The following FOXP2 variants were observed in gnomAD, a reference collection of about 807,000 sequenced individuals.
FOXP2 encodes the protein forkhead box protein P2.
FOXP2 carries 12 observed loss-of-function variants against 115.8 expected under a neutral mutation model. That is an observed-to-expected ratio of 0.10 (90% CI 0.07 to 0.17). The LOEUF (loss-of-function observed/expected upper bound fraction) is 0.17, where lower values mean the gene tolerates loss of function less well. Among genes scored for constraint, FOXP2 ranks in the 10% least tolerant of loss-of-function variants. The pLI, the probability that FOXP2 is intolerant of heterozygous loss-of-function variation, is 1.00. For missense variants in FOXP2, 629 were observed against 843.5 expected, an observed-to-expected ratio of 0.75 and a Z score of 3.15; for synonymous variants, 328 against 297.7, an observed-to-expected ratio of 1.10 and a Z score of -1.05.
chr7:114,358,592 A>T (rs1791671182), intron 2 of FOXP2, among the ~76,000 whole-genome samples: 1 of 152,306 alleles, frequency 6.6e-6, no homozygotes, highest in Non-Finnish European at 1.5e-5. Context: ...CAAAATTTCC[A>T]GGCTGAGGTG....
intron 5 of FOXP2, 56 bp downstream of exon 5, chr7:114,630,061 G>A (rs988532121): frequency 2.5e-6 from 4 of 1,601,272 alleles, no homozygotes; most frequent in East Asian, 2.2e-5. Context: ...AAGGGGCTTT[G>A]AGCGGCAAGA....
chr7:114,271,980 T>C (rs1311010242), intron 1 of FOXP2, among the ~76,000 whole-genome samples: 6 of 134,060 alleles, frequency 4.5e-5, no homozygotes, highest in African/African-American at 1.1e-4. Context: ...ATAATATAAT[T>C]ATATATAATA....
intron 1 of FOXP2, among the ~76,000 whole-genome samples, chr7:114,184,741 A>T: frequency 6.6e-6 from 1 of 152,190 alleles, no homozygotes; most frequent in East Asian, 1.9e-4. Flanking sequence ...CTTTTGGTAA[A>T]GCAAAAATCA....
intron 2 of FOXP2, among the ~76,000 whole-genome samples, chr7:114,446,988 A>G: frequency 6.6e-6 from 1 of 151,768 alleles, no homozygotes; most frequent in Non-Finnish European, 1.5e-5. Context: ...GGCCTCAAGC[A>G]ATCCACTCAC....
At chr7:114,522,197 T>C (rs1262607641) in intron 2 of FOXP2, among the ~76,000 whole-genome samples, 1 of 152,172 alleles carries the variant, frequency 6.6e-6, no homozygotes, top group Admixed American at 6.6e-5. Flanking sequence ...TTGTGCTTCT[T>C]GTGCTAATGC....
At chr7:114,229,061 T>C (rs1207092894) in intron 1 of FOXP2, among the ~76,000 whole-genome samples, 1 of 151,504 alleles carries the variant, frequency 6.6e-6, no homozygotes, top group Non-Finnish European at 1.5e-5. Flanking sequence ...GAAATGATAT[T>C]TCACATAAAT....
chr7:114,193,699 C>T (rs1036114582), intron 1 of FOXP2, among the ~76,000 whole-genome samples: 1 of 152,066 alleles, frequency 6.6e-6, no homozygotes, highest in African/African-American at 2.4e-5. Flanking sequence ...AAATTTTTGA[C>T]TCTCTCAATG....
At chr7:114,551,890 A>G (rs1800226129) in intron 3 of FOXP2, among the ~76,000 whole-genome samples, 1 of 152,174 alleles carries the variant, frequency 6.6e-6, no homozygotes, top group African/African-American at 2.4e-5. Flanking sequence ...ATCTAAGAGT[A>G]CGTTTTATGA....
At chr7:114,549,161 C>T (rs896014147) in intron 3 of FOXP2, among the ~76,000 whole-genome samples, 18 of 152,188 alleles carry the variant, frequency 1.2e-4, no homozygotes, top group African/African-American at 4.3e-4. Flanking sequence ...ACACATACTG[C>T]TGTGTTCTAC....
chr7:114,310,111 G>A (rs535317199), intron 2 of FOXP2, among the ~76,000 whole-genome samples: 2 of 152,248 alleles, frequency 1.3e-5, no homozygotes, highest in South Asian at 2.1e-4. Context: ...TATGCCCATC[G>A]AGCTGAGTAA....
chr7:114,546,768 C>T (rs936524373), intron 3 of FOXP2, among the ~76,000 whole-genome samples: 1 of 152,144 alleles, frequency 6.6e-6, no homozygotes, highest in Non-Finnish European at 1.5e-5. Context: ...ATAGATTATA[C>T]CATATTTTAT....
At chr7:114,246,523 C>T (rs1795288948) in intron 1 of FOXP2, among the ~76,000 whole-genome samples, 1 of 152,116 alleles carries the variant, frequency 6.6e-6, no homozygotes, top group African/African-American at 2.4e-5. Flanking sequence ...TTTCTCACTA[C>T]AAACTTAGAG....
chr7:114,687,267 T>C (rs1808416862), intron 16 of FOXP2, among the ~76,000 whole-genome samples: 1 of 152,152 alleles, frequency 6.6e-6, no homozygotes, highest in African/African-American at 2.4e-5. Flanking sequence ...CCATAAAGAA[T>C]GACAATACAC....
intron 1 of FOXP2, among the ~76,000 whole-genome samples, chr7:114,287,719 T>C (rs2129175928): frequency 6.6e-6 from 1 of 152,096 alleles, no homozygotes; most frequent in East Asian, 1.9e-4. Context: ...CTGAAAAGTT[T>C]AAACTTGCCA....
chr7:114,286,628 T>A (rs1796473551), intron 1 of FOXP2, among the ~76,000 whole-genome samples: 1 of 152,010 alleles, frequency 6.6e-6, no homozygotes. Context: ...AATTTTATTG[T>A]TAAGAGAAAT....
At position 114,693,370 on chromosome 7, in the gene FOXP2, A is replaced by G. The variant is rs1421969882; in HGVS notation, c.*3444A>G. ...CTTACATAAACCATCCTGGACTTTA[A>G]TGTCCCTGGGCAGATTCAGTCGCAA... On this transcript the variant is annotated 3_prime_UTR_variant, in exon 17 of 17. Transcript: ENST00000350908. 6.6e-6 allele frequency: 3 copies of G among 453,846 alleles called. No individual in the cohort carries two copies. The highest frequency in any genetic ancestry group is 4.7e-5 in the South Asian group (3 of 64,454). The allele number at this position is 453,846 out of a possible 1,614,324, so 28.1% of individuals were successfully genotyped here. A position where few individuals can be genotyped will look rare whatever the true frequency, so the allele number is the denominator to read the frequency against.
chr7:114,325,548 A>G (rs1466870284), intron 2 of FOXP2, among the ~76,000 whole-genome samples: 1 of 151,958 alleles, frequency 6.6e-6, no homozygotes, highest in Non-Finnish European at 1.5e-5. Flanking sequence ...CTCAGTATAT[A>G]TCTGTAAACA....
At chr7:114,086,480 C>CG (rs577923106), upstream of FOXP2, 1 of 349,364 alleles carries the variant, frequency 2.9e-6, no homozygotes, top group Non-Finnish European at 5.6e-6. Context: ...CGGCCCCCCC[C>CG]CTCCCCGGGC....
intron 1 of FOXP2, among the ~76,000 whole-genome samples, chr7:114,258,935 G>C (rs1057500869): frequency 6.6e-6 from 1 of 152,086 alleles, no homozygotes; most frequent in Non-Finnish European, 1.5e-5. Context: ...TTTCCTATGG[G>C]GATGTGGTTT....
Sources: allele counts gnomAD v4.1 joint callset (sites outside exome capture counted in the v4.1 genomes callset), GRCh38; gene constraint gnomAD v4.1.1; transcripts MANE v1.5; gene names NCBI Gene and HGNC (gene_info 2026-07-23, HGNC 2026-07-21).